Variants in NCAM1 observed in about 807,000 individuals in gnomAD.
NCAM1 encodes antigen recognized by monoclonal antibody 5.1H11.
Under a neutral mutation model 109.8 loss-of-function variants are expected in NCAM1, and 14 were observed. The ratio of observed to expected loss-of-function variants is 0.13; its 90% CI spans 0.08 to 0.20. The LOEUF (loss-of-function observed/expected upper bound fraction) is 0.20, where lower values mean the gene tolerates loss of function less well. Ranked by LOEUF, NCAM1 falls within the 10% of genes least tolerant of loss-of-function variation. The probability of loss-of-function intolerance (pLI) is 1.00; values close to 1 mark genes in which losing one functional copy is unlikely to be tolerated. For synonymous variants in NCAM1, 418 were observed against 442.9 expected, an observed-to-expected ratio of 0.94 and a Z score of 0.70; for missense variants, 774 against 1,109.9, an observed-to-expected ratio of 0.70 and a Z score of 4.30.
chr11:112,966,384 G>T (rs1950728800), intron 1 of NCAM1, among the ~76,000 whole-genome samples: 1 of 152,172 alleles, frequency 6.6e-6, no homozygotes. Flanking sequence ...GTAAGAGATG[G>T]TCTTTTAGGA....
At chr11:113,049,383 C>G (rs782508228) in intron 1 of NCAM1, among the ~76,000 whole-genome samples, 1 of 152,194 alleles carries the variant, frequency 6.6e-6, no homozygotes, top group East Asian at 1.9e-4. Context: ...TTTAGAAATG[C>G]CTTTGAAACT....
At chr11:113,225,903 G>C (rs1555116119) in intron 9 of NCAM1, among the ~76,000 whole-genome samples, 1 of 152,100 alleles carries the variant, frequency 6.6e-6, no homozygotes, top group Non-Finnish European at 1.5e-5. Context: ...GTCACCACCA[G>C]GCCTGCCCTA....
At position 113,260,332 on chromosome 11, in the gene NCAM1, G is replaced by A. The variant is rs1003567529; in HGVS notation, c.2131+9G>A. The A allele has an allele frequency of 4.4e-6, 7 of 1,608,360 alleles. No homozygotes were observed. Among genetic ancestry groups the A allele is most frequent in the Non-Finnish European group, 5.1e-6 (6 of 1,178,190 alleles). On this transcript the variant is annotated intron_variant, in intron 17 of 19. Coordinates refer to ENST00000316851, the MANE Select transcript of NCAM1 (RefSeq NM_181351.5). ...GCCCACAGCCATCCCAGGTATGGCT[G>A]CCTCTGCTTTCTGTTTGTTTCCGCT...
chr11:113,214,414 T>A lies in NCAM1; in HGVS notation c.962T>A (p.Leu321Ter). The change falls in exon 8 of 20, where the codon TTA (leucine) becomes TAA (stop). Residue 321 changes from leucine to a stop codon, truncating the protein, a stop_gained. Transcript: ENST00000316851. LOFTEE classifies it high-confidence loss of function. Reference protein sequence around the residue: ...TYVENQTAMELEEQVTLTCEA... With the variant: ...TYVENQTAME ...GTAGAGAACCAGACTGCCATGGAAT[T>A]AGAGGAGCAGGTCACTCTTACCTGT... 1 of 1,613,952 alleles carries A rather than the reference T, an allele frequency of 6.2e-7. No individual in the cohort carries two copies.
chr11:112,965,074 AT>A (rs61263458), intron 1 of NCAM1, among the ~76,000 whole-genome samples: 18,011 of 151,130 alleles, frequency 0.12, 1,218 homozygotes, highest in East Asian at 0.32. Context: ...TTTATCTAGG[AT>A]TTTTTTTTTA....
chr11:112,988,398 T>G (rs1438375102), intron 1 of NCAM1, among the ~76,000 whole-genome samples: 9 of 152,182 alleles, frequency 5.9e-5, no homozygotes. Context: ...TTATATATAT[T>G]TATTTTGTTA....
chr11:113,200,998 C>T (rs933972779), intron 1 of NCAM1, among the ~76,000 whole-genome samples: 4 of 152,246 alleles, frequency 2.6e-5, no homozygotes, highest in East Asian at 3.9e-4. Context: ...CAGATGACAG[C>T]GTCAGCATCT....
Position 113,207,914 on chromosome 11 carries a change from G to A in NCAM1, c.828G>A (p.Lys276=). 6.2e-7 allele frequency: 1 copy of A among 1,612,742 alleles called. No homozygotes were observed. The highest frequency in any genetic ancestry group is 8.5e-7 in the Non-Finnish European group (1 of 1,179,430). ...ATAGTTCCCAGCTGACCATCAAAAA[G>A]GTGGATAAGAACGACGAGGCTGAGT... The part of the protein sequence containing the change: ...SDDSSQLTIK[K]VDKNDEAEYI... Residue 276 remains lysine (K), a synonymous_variant, in exon 7 of 20, where the codon AAG becomes AAA. Coordinates refer to ENST00000316851, the MANE Select transcript of NCAM1 (RefSeq NM_181351.5).
intron 1 of NCAM1, among the ~76,000 whole-genome samples, chr11:113,058,562 A>G (rs1219638474): frequency 3.9e-5 from 6 of 152,216 alleles, no homozygotes; most frequent in African/African-American, 1.4e-4. Context: ...TAAGGCATAC[A>G]GGCCCAGCTT....
At chr11:112,996,342 A>G (rs1160361176) in intron 1 of NCAM1, among the ~76,000 whole-genome samples, 3 of 152,210 alleles carry the variant, frequency 2.0e-5, no homozygotes, top group Non-Finnish European at 4.4e-5. Context: ...CAATCACAGT[A>G]CTATTAAGTG....
intron 1 of NCAM1, among the ~76,000 whole-genome samples, chr11:113,193,893 C>G (rs1943773974): frequency 6.6e-6 from 1 of 152,126 alleles, no homozygotes. Context: ...TTTCTAGCAG[C>G]TAGGTGGTTT....
chr11:113,161,616 AT>A (rs1942603180), intron 1 of NCAM1, among the ~76,000 whole-genome samples: 1 of 152,254 alleles, frequency 6.6e-6, no homozygotes, highest in South Asian at 2.1e-4. Flanking sequence ...GATAAACCAC[AT>A]AAAATCCCCC....
At chr11:113,034,070 C>A (rs1278312858) in intron 1 of NCAM1, among the ~76,000 whole-genome samples, 3 of 152,154 alleles carry the variant, frequency 2.0e-5, no homozygotes, top group African/African-American at 7.2e-5. Flanking sequence ...GATTGATGAG[C>A]TGTCTTTCAT....
In NCAM1 at chr11:113,233,241, C is replaced by T; in HGVS notation, c.1617C>T (p.Pro539=). 1 of 1,613,748 alleles carries T rather than the reference C, an allele frequency of 6.2e-7. No individual in the cohort carries two copies. Among genetic ancestry groups the T allele is most frequent in the Non-Finnish European group, 8.5e-7 (1 of 1,179,838 alleles). The change falls in exon 13 of 20, where the codon CCC becomes CCT. Residue 539 remains proline (P), a synonymous_variant. Coordinates refer to ENST00000316851, the MANE Select transcript of NCAM1 (RefSeq NM_181351.5). This position sits in a 1 kb window ranked among gnomAD's most constrained non-coding sequence, Gnocchi z 4.5. ...AACCAGAGGCCACAGGTGGGGTGCC[C>T]ATCCTCAAATACAAAGCTGAGTGGA... ...FDEPEATGGV[P]ILKYKAEWRA...
intron 1 of NCAM1, among the ~76,000 whole-genome samples, chr11:112,994,858 G>C (rs556879801): frequency 6.6e-6 from 1 of 152,076 alleles, no homozygotes; most frequent in African/African-American, 2.4e-5. Context: ...TTTGTCAATG[G>C]TTCTTCTTCC....
At chr11:113,082,402 G>A (rs1027509104) in intron 1 of NCAM1, among the ~76,000 whole-genome samples, 2 of 152,112 alleles carry the variant, frequency 1.3e-5, no homozygotes, top group East Asian at 1.9e-4. Context: ...TTAATACAGC[G>A]CTGTGGTAGT....
intron 1 of NCAM1, among the ~76,000 whole-genome samples, chr11:113,049,962 TTGGCATGAGTC>T (rs1321270256): frequency 6.6e-6 from 1 of 152,162 alleles, no homozygotes; most frequent in Non-Finnish European, 1.5e-5. Context: ...ATTCAGGCAT[TTGGCATGAGTC>T]TGAATGCCTG....
chr11:113,031,974 ACT>A (rs1335204950), intron 1 of NCAM1, among the ~76,000 whole-genome samples: 12 of 151,984 alleles, frequency 7.9e-5, no homozygotes, highest in African/African-American at 2.9e-4. Context: ...GAGGGGTCTC[ACT>A]CTGTTGCCCA....
At chr11:113,257,667 C>T (rs984580648) in intron 16 of NCAM1, among the ~76,000 whole-genome samples, 2 of 152,206 alleles carry the variant, frequency 1.3e-5, no homozygotes, top group South Asian at 2.1e-4. Context: ...ATTTCAACAA[C>T]CGTAACCACC....
Sources: gnomAD v4.1 joint callset for allele counts (sites outside exome capture counted in the v4.1 genomes callset) on GRCh38, gnomAD v4.1.1 for gene constraint, Gnocchi (gnomAD v3.1) non-coding constraint, MANE v1.5 for transcripts, NCBI Gene and HGNC (gene_info 2026-07-23, HGNC 2026-07-21) for gene names.